The following NIBAN1 variants were observed in gnomAD, a reference collection of about 807,000 sequenced individuals.
NIBAN1 encodes the protein niban apoptosis regulator 1, also known as protein Niban 1.
NIBAN1 carries 81 observed loss-of-function variants against 75.1 expected under a neutral mutation model. The ratio of observed to expected loss-of-function variants is 1.08; its 90% CI spans 0.90 to 1.30. The LOEUF is 1.30. Among genes scored for constraint, NIBAN1 ranks in the 50% most tolerant of loss-of-function variants. The pLI is 0.00. For missense variants in NIBAN1, 1,133 were observed against 1,128.1 expected (o/e 1.00, Z -0.06); for synonymous variants, 436 against 424.8 (o/e 1.03, Z -0.32).
At chr1:184,808,047 C>T (rs1654256133) in intron 10 of NIBAN1, 27 bp downstream of exon 10, 1 of 1,612,742 alleles carries the variant, frequency 6.2e-7, no homozygotes, top group Non-Finnish European at 8.5e-7. Flanking sequence ...TACCCTCATC[C>T]ACCACGGATG....
At chr1:184,807,906 G>T in intron 10 of NIBAN1, 168 bp downstream of exon 10, 1 of 697,088 alleles carries the variant, frequency 1.4e-6, no homozygotes, top group East Asian at 2.6e-5. Flanking sequence ...CCACATGGAT[G>T]GAAGATGAAG....
intron 1 of NIBAN1, among the ~76,000 whole-genome samples, chr1:184,919,762 C>T: frequency 6.6e-6 from 1 of 152,034 alleles, no homozygotes; most frequent in Non-Finnish European, 1.5e-5. Context: ...ATTCTGTAAA[C>T]ATCCTAGGTA....
At chr1:184,856,937 T>C (rs1655693854) in intron 5 of NIBAN1, among the ~76,000 whole-genome samples, 2 of 152,096 alleles carry the variant, frequency 1.3e-5, no homozygotes, top group South Asian at 2.1e-4. Flanking sequence ...TAAGTAGACA[T>C]GGGTGGGCTG....
At chr1:184,882,825 G>A (rs556453022) in intron 5 of NIBAN1, among the ~76,000 whole-genome samples, 1 of 152,296 alleles carries the variant, frequency 6.6e-6, no homozygotes, top group South Asian at 2.1e-4. Context: ...CCTAAACACA[G>A]ACGGGCAAGT....
chr1:184,809,553 T>A (rs949295737), intron 9 of NIBAN1, among the ~76,000 whole-genome samples: 1 of 151,926 alleles, frequency 6.6e-6, no homozygotes, highest in African/African-American at 2.4e-5. Context: ...AACCTGGCTA[T>A]CTTGTCTTAG....
At chr1:184,800,526 T>C (rs1439214193) in intron 12 of NIBAN1, among the ~76,000 whole-genome samples, 3 of 151,560 alleles carry the variant, frequency 2.0e-5, no homozygotes, top group Non-Finnish European at 4.4e-5. Context: ...TTAATCCATC[T>C]TGAATTGATT....
At chr1:184,918,319 C>T (rs1657445944) in intron 1 of NIBAN1, among the ~76,000 whole-genome samples, 1 of 152,318 alleles carries the variant, frequency 6.6e-6, no homozygotes, top group South Asian at 2.1e-4. Flanking sequence ...GAGCTCCTAA[C>T]TTTGCCTCTA....
At chr1:184,918,474 T>A (rs1657449506) in intron 1 of NIBAN1, among the ~76,000 whole-genome samples, 1 of 152,178 alleles carries the variant, frequency 6.6e-6, no homozygotes, top group African/African-American at 2.4e-5. Flanking sequence ...CCTGTCCAGC[T>A]TCTCCTCTAT....
intron 5 of NIBAN1, among the ~76,000 whole-genome samples, chr1:184,882,909 G>T (rs1656413735): frequency 6.6e-6 from 1 of 152,174 alleles, no homozygotes; most frequent in African/African-American, 2.4e-5. Context: ...AAAACACAAG[G>T]CAAGATTTTA....
chr1:184,838,186 TA>T (rs1278173645), intron 5 of NIBAN1, among the ~76,000 whole-genome samples: 27 of 152,218 alleles, frequency 1.8e-4, no homozygotes, highest in Admixed American at 1.8e-3. Context: ...TCCTAGCCTG[TA>T]TTTCTGCTTT....
chr1:184,893,481 G>C (rs777735096), intron 3 of NIBAN1, among the ~76,000 whole-genome samples: 21 of 151,552 alleles, frequency 1.4e-4, no homozygotes, highest in Non-Finnish European at 5.9e-5. Context: ...TACAGACAAG[G>C]AAAATAGTGA....
chr1:184,814,926 C>G (rs746893384), intron 9 of NIBAN1, among the ~76,000 whole-genome samples: 4 of 152,170 alleles, frequency 2.6e-5, no homozygotes, highest in Non-Finnish European at 5.9e-5. Context: ...TTCCTGAATC[C>G]TTAAGCTTTT....
At chr1:184,914,324 A>C (rs575369164) in intron 1 of NIBAN1, among the ~76,000 whole-genome samples, 1 of 152,218 alleles carries the variant, frequency 6.6e-6, no homozygotes, top group East Asian at 1.9e-4. Context: ...TTCAGAGTAC[A>C]TGAAGCTCTC....
chr1:184,966,288 T>G (rs1658783058), intron 1 of NIBAN1, among the ~76,000 whole-genome samples: 1 of 152,198 alleles, frequency 6.6e-6, no homozygotes, highest in Non-Finnish European at 1.5e-5. Context: ...TTCTACATGC[T>G]TTTACACTCT....
chr1:184,855,563 T>C (rs1655655747), intron 5 of NIBAN1, among the ~76,000 whole-genome samples: 1 of 152,150 alleles, frequency 6.6e-6, no homozygotes, highest in Non-Finnish European at 1.5e-5. Context: ...CAATTTATTT[T>C]ATATGTTGCC....
intron 12 of NIBAN1, among the ~76,000 whole-genome samples, chr1:184,800,738 T>C (rs1361253347): frequency 6.6e-6 from 1 of 152,236 alleles, no homozygotes; most frequent in Non-Finnish European, 1.5e-5. Flanking sequence ...CTGTGAACAT[T>C]CTTGTACATA....
chr1:184,960,215 T>C (rs4650674), intron 1 of NIBAN1, among the ~76,000 whole-genome samples: 53,168 of 152,094 alleles, frequency 0.35, 11,487 homozygotes, highest in Non-Finnish European at 0.48. Context: ...TGAAATGTAC[T>C]GTTTAAATTT....
In NIBAN1 at chr1:184,843,459, A is replaced by T. The variant is rs530757625; in HGVS notation, c.602-11497T>A. Among the ~76,000 whole-genome samples the T allele has an allele frequency of 7.2e-5, 11 of 152,298 alleles. No homozygotes were observed. The South Asian group carries it at 1.7e-3, about 23-fold the overall frequency. ...AGACACTTTCCCCCCCGCAAAAAAA[A>T]AGAGAGAATATTTGCTTCTTTCCAA... is the stretch of plus-strand genomic sequence containing the variant. On this transcript the variant is annotated intron_variant, in intron 5 of 13. Transcript: ENST00000367511.
intron 5 of NIBAN1, among the ~76,000 whole-genome samples, chr1:184,866,501 A>G (rs901900460): frequency 1.3e-5 from 2 of 152,194 alleles, no homozygotes; most frequent in African/African-American, 4.8e-5. Flanking sequence ...TTAAGATGAT[A>G]ATGTGTAACA....
Sources: gnomAD v4.1 joint callset for allele counts (sites outside exome capture counted in the v4.1 genomes callset) on GRCh38, gnomAD v4.1.1 for gene constraint, MANE v1.5 for transcripts, NCBI Gene and HGNC (gene_info 2026-07-23, HGNC 2026-07-21) for gene names.